KIRREL3: variants seen among roughly 807,000 people sequenced by gnomAD.
The protein encoded by KIRREL3 is kin of IRRE-like protein 3.
KIRREL3 carries 36 observed loss-of-function variants against 89.7 expected under a neutral mutation model. The observed-to-expected ratio is 0.40, with a 90% CI of 0.31 to 0.53. The LOEUF is 0.53. KIRREL3 is among the 20% of genes least tolerant of loss of function. The pLI, the probability that KIRREL3 is intolerant of heterozygous loss-of-function variation, is 0.49. For missense variants in KIRREL3, 864 were observed against 1,056.6 expected, an observed-to-expected ratio of 0.82 and a Z score of 2.53; for synonymous variants, 445 against 441.4, an observed-to-expected ratio of 1.01 and a Z score of -0.10.
chr11:126,647,856 C>T lies in KIRREL3; in HGVS notation c.56-84944G>A, dbSNP rs529218379. Among the ~76,000 whole-genome samples, 1 of 152,226 alleles carries T rather than the reference C, an allele frequency of 6.6e-6. No individual in the cohort carries two copies. The highest frequency in any genetic ancestry group is 1.5e-5 in the Non-Finnish European group (1 of 68,040). ...CCATCTCACTGAGAATGAAAGCCAA[C>T]ACCCTCTCCATGACTCATGGTGCTC... is the stretch of plus-strand genomic sequence containing the variant. On this transcript the variant is annotated intron_variant, in intron 1 of 16. Transcript: ENST00000525144. This position sits in a 1 kb window ranked among gnomAD's most constrained non-coding sequence, Gnocchi z 4.9.
rs1187374447 is a variant in KIRREL3, at chr11:126,896,582, G to C, written c.55+103873C>G. ...AATGATGATGCAAATATCCTAGAAA[G>C]CTGTGTAGAGAACGTGGGGCCTGTC... On this transcript the variant is annotated intron_variant, in intron 1 of 16. Transcript: ENST00000525144. This position sits in a 1 kb window ranked among gnomAD's most constrained non-coding sequence, Gnocchi z 4.1. Among the ~76,000 whole-genome samples the C allele has an allele frequency of 6.6e-6, 1 of 152,198 alleles. No individual in the cohort carries two copies. Among genetic ancestry groups the C allele is most frequent in the Non-Finnish European group, 1.5e-5 (1 of 68,032 alleles).
At chr11:126,502,636 G>T (rs1032173622) in intron 4 of KIRREL3, among the ~76,000 whole-genome samples, 13 of 152,232 alleles carry the variant, frequency 8.5e-5, no homozygotes, top group Non-Finnish European at 1.6e-4. Context: ...ATAGAATGCA[G>T]TCGAAAGGTA....
chr11:126,939,830 G>A (rs1948364744), intron 1 of KIRREL3, among the ~76,000 whole-genome samples: 1 of 152,176 alleles, frequency 6.6e-6, no homozygotes, highest in South Asian at 2.1e-4. Context: ...TTCCTGCCAA[G>A]TTATCATCTT....
At position 126,427,537 on chromosome 11, in the gene KIRREL3, C is replaced by T. The variant is rs533723725; in HGVS notation, c.1806+1642G>A. Among the ~76,000 whole-genome samples, 353 of 152,300 alleles carry T rather than the reference C, an allele frequency of 2.3e-3. 1 individual carries two copies. The highest frequency in any genetic ancestry group is 6.8e-3 in the African/African-American group (284 of 41,566). On this transcript the variant is annotated intron_variant, in intron 15 of 16. Transcript: ENST00000525144. This position sits in a 1 kb window ranked among gnomAD's most constrained non-coding sequence, Gnocchi z 5.3. ...GCAGGCAGAGAGAACAGCCGGTGCA[C>T]AGGCCTTTGAAGTCCAAAAGATTCG... is the stretch of plus-strand genomic sequence containing the variant.
In KIRREL3 at chr11:126,655,637, C is replaced by G. The variant is rs1012249297; in HGVS notation, c.56-92725G>C. Among the ~76,000 whole-genome samples the G allele has an allele frequency of 1.3e-5, 2 of 152,164 alleles. No homozygotes were observed. The highest frequency in any genetic ancestry group is 4.8e-5 in the African/African-American group (2 of 41,448). On this transcript the variant is annotated intron_variant, in intron 1 of 16. Transcript: ENST00000525144. The surrounding 1 kb of genome is among the most constrained non-coding windows in gnomAD (Gnocchi z 5.0). The stretch of plus-strand genomic sequence containing the variant: ...GCAGTTTTCACAACGCAGTTGTCAT[C>G]TCGGGAGCAGTGTGTGCCCGTCCAC...
Position 126,608,287 on chromosome 11 carries a change from C to G in KIRREL3, c.56-45375G>C, listed in dbSNP as rs923149552. On this transcript the variant is annotated intron_variant, in intron 1 of 16. Coordinates refer to ENST00000525144, the MANE Select transcript of KIRREL3 (RefSeq NM_032531.4). This position sits in a 1 kb window ranked among gnomAD's most constrained non-coding sequence, Gnocchi z 4.9. The stretch of plus-strand genomic sequence containing the variant: ...TCCACCTGGCAGGCGTTTGGAACAA[C>G]GTGCTGAATAACAGCAGCATTTGTG... Among the ~76,000 whole-genome samples the G allele has an allele frequency of 6.6e-6, 1 of 152,214 alleles. No individual in the cohort carries two copies. The highest frequency in any genetic ancestry group is 2.4e-5 in the African/African-American group (1 of 41,450).
chr11:126,950,553 A>G (rs1377827167), intron 1 of KIRREL3, among the ~76,000 whole-genome samples: 1 of 152,142 alleles, frequency 6.6e-6, no homozygotes, highest in African/African-American at 2.4e-5. Flanking sequence ...ATGGTGTCCC[A>G]TTGTTCATTC....
At chr11:126,437,786 C>G (rs1243015835) in intron 11 of KIRREL3, among the ~76,000 whole-genome samples, 1 of 152,122 alleles carries the variant, frequency 6.6e-6, no homozygotes, top group Non-Finnish European at 1.5e-5. Flanking sequence ...ACAATACAAG[C>G]ATGCTTACAC....
rs1592066658 is a variant in KIRREL3, at chr11:126,747,829, T to A, written c.56-184917A>T. On this transcript the variant is annotated intron_variant, in intron 1 of 16. Transcript: ENST00000525144. The surrounding 1 kb of genome is among the most constrained non-coding windows in gnomAD (Gnocchi z 4.7). ...CCCTCTGCTTGGCAGAGCTGTCCTTTGTAGAAGTGATTCTCAGTGGCCCTT... is the reference window on the plus strand; with the variant it reads ...CCCTCTGCTTGGCAGAGCTGTCCTTAGTAGAAGTGATTCTCAGTGGCCCTT... Among the ~76,000 whole-genome samples the A allele has an allele frequency of 6.6e-6, 1 of 152,040 alleles. No homozygotes were observed. Among genetic ancestry groups the A allele is most frequent in the South Asian group, 2.1e-4 (1 of 4,820 alleles).
Position 126,689,196 on chromosome 11 carries a change from G to T in KIRREL3, c.56-126284C>A, listed in dbSNP as rs530791244. Among the ~76,000 whole-genome samples, 2 of 152,270 alleles carry T rather than the reference G, an allele frequency of 1.3e-5. No individual in the cohort carries two copies. The highest frequency in any genetic ancestry group is 4.2e-4 in the South Asian group (2 of 4,818). ...CTGAGAATTGTTGTTTCAGGAACTA[G>T]AAAGAATCCTGGAAATAGTTAAGAA... On this transcript the variant is annotated intron_variant, in intron 1 of 16. Coordinates refer to ENST00000525144, the MANE Select transcript of KIRREL3 (RefSeq NM_032531.4). The surrounding 1 kb of genome is among the most constrained non-coding windows in gnomAD (Gnocchi z 5.2).
In KIRREL3 at chr11:126,569,653, C is replaced by G. The variant is rs1008126240; in HGVS notation, c.56-6741G>C. ...CGGTAAAGAAAGTCTTGAGGCAGCA[C>G]GCAAGTTATTTCTGCATGAATGGCA... On this transcript the variant is annotated intron_variant, in intron 1 of 16. Coordinates refer to ENST00000525144, the MANE Select transcript of KIRREL3 (RefSeq NM_032531.4). This position sits in a 1 kb window ranked among gnomAD's most constrained non-coding sequence, Gnocchi z 6.5. Among the ~76,000 whole-genome samples the G allele has an allele frequency of 1.3e-5, 2 of 152,302 alleles. No individual in the cohort carries two copies. The highest frequency in any genetic ancestry group is 3.9e-4 in the East Asian group (2 of 5,182).
intron 1 of KIRREL3, among the ~76,000 whole-genome samples, chr11:126,775,262 A>C (rs1950137815): frequency 6.6e-6 from 1 of 152,206 alleles, no homozygotes; most frequent in African/African-American, 2.4e-5. Flanking sequence ...CGATTTAAAA[A>C]ATTCAGGTAG....
At chr11:126,648,448 T>G (rs1944779581) in intron 1 of KIRREL3, among the ~76,000 whole-genome samples, 1 of 152,174 alleles carries the variant, frequency 6.6e-6, no homozygotes, top group Non-Finnish European at 1.5e-5. Flanking sequence ...GGTGGCCACC[T>G]TCTTGGGGAC....
intron 4 of KIRREL3, among the ~76,000 whole-genome samples, chr11:126,504,479 T>C (rs1227353648): frequency 6.6e-6 from 1 of 152,190 alleles, no homozygotes; most frequent in African/African-American, 2.4e-5. Context: ...AAAGTCAGCT[T>C]CTAGAGGAAA....
chr11:126,916,517 A>C (rs982394306), intron 1 of KIRREL3, among the ~76,000 whole-genome samples: 2 of 152,146 alleles, frequency 1.3e-5, no homozygotes, highest in African/African-American at 4.8e-5. Context: ...TATGAGGGAG[A>C]GAGAAAGACA....
Position 126,740,114 on chromosome 11 carries a change from G to A in KIRREL3, c.56-177202C>T, listed in dbSNP as rs924116081. On this transcript the variant is annotated intron_variant, in intron 1 of 16. Coordinates refer to ENST00000525144, the MANE Select transcript of KIRREL3 (RefSeq NM_032531.4). This position sits in a 1 kb window ranked among gnomAD's most constrained non-coding sequence, Gnocchi z 6.0. Reference sequence around the variant, plus strand: ...GTAATTTGGCCCATTAGTTCAAATTGTGTTTTTTTCTTCCCTCCTTCTTTT... The same window carrying A: ...GTAATTTGGCCCATTAGTTCAAATTATGTTTTTTTCTTCCCTCCTTCTTTT... 6.6e-6 allele frequency among the ~76,000 whole-genome samples: 1 copy of A among 152,158 alleles called. No individual in the cohort carries two copies. Among genetic ancestry groups the A allele is most frequent in the African/African-American group, 2.4e-5 (1 of 41,436 alleles).
At chr11:126,743,929 T>C (rs1949059849) in intron 1 of KIRREL3, among the ~76,000 whole-genome samples, 2 of 152,202 alleles carry the variant, frequency 1.3e-5, no homozygotes, top group African/African-American at 2.4e-5. Context: ...GTGTATACGT[T>C]TCTCAGAAGA....
chr11:126,799,028 G>C (rs910891395), intron 1 of KIRREL3, among the ~76,000 whole-genome samples: 3 of 151,732 alleles, frequency 2.0e-5, no homozygotes, highest in Non-Finnish European at 2.9e-5. Flanking sequence ...GTATCTGTGC[G>C]TGTGCATGTG....
In KIRREL3 at chr11:126,921,008, T is replaced by A. The variant is rs1016903349; in HGVS notation, c.55+79447A>T. On this transcript the variant is annotated intron_variant, in intron 1 of 16. Transcript: ENST00000525144. ...CTGTGTGAGTGTTTCAGGAAGAGAC[T>A]GGCACTTGCATCTCTCTCGCCCCCT... Among the ~76,000 whole-genome samples the A allele has an allele frequency of 2.0e-5, 3 of 152,348 alleles. No individual in the cohort carries two copies. In the East Asian group the frequency reaches 5.8e-4, roughly 29 times the overall value.
Sources: gnomAD v4.1 joint callset for allele counts (sites outside exome capture counted in the v4.1 genomes callset) on GRCh38, gnomAD v4.1.1 for gene constraint, Gnocchi (gnomAD v3.1) non-coding constraint, MANE v1.5 for transcripts, NCBI Gene and HGNC (gene_info 2026-07-23, HGNC 2026-07-21) for gene names.